Variants in PLBD1 observed in about 807,000 individuals in gnomAD.
PLBD1 encodes the protein phospholipase B domain containing 1.
A neutral mutation model predicts 63.0 loss-of-function variants in PLBD1; 60 were observed. The ratio of observed to expected loss-of-function variants is 0.95; its 90% CI spans 0.77 to 1.18. PLBD1 has a LOEUF of 1.18. Among genes scored for constraint, PLBD1 ranks in the 50% most tolerant of loss-of-function variants. The pLI is 0.00. For missense variants in PLBD1, 598 were observed against 677.9 expected, an observed-to-expected ratio of 0.88 and a Z score of 1.31; for synonymous variants, 262 against 248.0, an observed-to-expected ratio of 1.06 and a Z score of -0.53.
chr12:14,533,946 C>G (rs764969791), intron 6 of PLBD1, among the ~76,000 whole-genome samples: 1 of 152,116 alleles, frequency 6.6e-6, no homozygotes, highest in Non-Finnish European at 1.5e-5. Flanking sequence ...GAGCTTAAGA[C>G]CAGCCTGGGG....
chr12:14,552,830 G>A (rs1273274227), intron 2 of PLBD1, among the ~76,000 whole-genome samples: 2 of 152,190 alleles, frequency 1.3e-5, no homozygotes, highest in Non-Finnish European at 2.9e-5. Flanking sequence ...CACACTTGGA[G>A]GTTTTGTTCC....
At chr12:14,553,139 A>G in intron 2 of PLBD1, 54 bp downstream of exon 2, 1 of 1,452,280 alleles carries the variant, frequency 6.9e-7, no homozygotes, top group South Asian at 1.2e-5. Flanking sequence ...ACTGTGGAAC[A>G]TGGGAAGGAC....
chr12:14,531,582 G>A (rs1945462262), intron 6 of PLBD1, among the ~76,000 whole-genome samples: 1 of 152,160 alleles, frequency 6.6e-6, no homozygotes, highest in Non-Finnish European at 1.5e-5. Context: ...AGATCGACAT[G>A]TTTTCTGTTG....
intron 6 of PLBD1, among the ~76,000 whole-genome samples, chr12:14,524,500 C>T (rs868639209): frequency 1.2e-3 from 177 of 152,262 alleles, no homozygotes; most frequent in African/African-American, 4.1e-3. Context: ...CTATGGTGTG[C>T]TATTTTTCAA....
At chr12:14,536,537 CAG>C (rs1565576669) in intron 5 of PLBD1, 31 bp downstream of exon 5, 3 of 1,608,924 alleles carry the variant, frequency 1.9e-6, no homozygotes, top group South Asian at 1.1e-5. Context: ...CTGTATGAAC[CAG>C]AACAAGGCAA....
intron 6 of PLBD1, among the ~76,000 whole-genome samples, chr12:14,519,025 T>C (rs1184597649): frequency 6.6e-6 from 1 of 152,042 alleles, no homozygotes; most frequent in Non-Finnish European, 1.5e-5. Context: ...ATAATAATTA[T>C]AAAACTGTAT....
At chr12:14,561,037 C>T (rs1945739490) in intron 1 of PLBD1, among the ~76,000 whole-genome samples, 1 of 151,564 alleles carries the variant, frequency 6.6e-6, no homozygotes, top group Non-Finnish European at 1.5e-5. Context: ...TCAGAGACGC[C>T]CTGAGGTGGA....
intron 6 of PLBD1, among the ~76,000 whole-genome samples, chr12:14,525,444 TC>T (rs1945409243): frequency 6.6e-6 from 1 of 150,988 alleles, no homozygotes; most frequent in African/African-American, 2.4e-5. Flanking sequence ...ATGACTGGAG[TC>T]CCAGAGGGAG....
At chr12:14,541,925 G>A (rs532610485) in intron 3 of PLBD1, among the ~76,000 whole-genome samples, 3 of 152,288 alleles carry the variant, frequency 2.0e-5, no homozygotes, top group African/African-American at 7.2e-5. Context: ...CAGACCCAGG[G>A]ACTTAACACT....
chr12:14,507,804 T>G (rs1945267295), intron 8 of PLBD1, among the ~76,000 whole-genome samples: 2 of 152,212 alleles, frequency 1.3e-5, no homozygotes, highest in Non-Finnish European at 2.9e-5. Context: ...TCATAGTGTG[T>G]GAAGGCCACA....
intron 1 of PLBD1, among the ~76,000 whole-genome samples, chr12:14,565,417 G>A (rs898780465): frequency 6.6e-6 from 1 of 150,558 alleles, no homozygotes; most frequent in Non-Finnish European, 1.5e-5. Context: ...AGTGAGCCGA[G>A]ATCACGCCAC....
In PLBD1 at chr12:14,549,626, C is replaced by T. The variant is rs1168581889; in HGVS notation, c.335+3567G>A. Among the ~76,000 whole-genome samples, 9 of 152,106 alleles carry T rather than the reference C, an allele frequency of 5.9e-5. No individual in the cohort carries two copies. In the South Asian group the frequency reaches 8.3e-4, roughly 14 times the overall value. On this transcript the variant is annotated intron_variant, in intron 2 of 10. Coordinates refer to ENST00000240617, the MANE Select transcript of PLBD1 (RefSeq NM_024829.6). ...CCCCCATTTGCCTTTTGAAACCCACCGTCCTTCGATTGTTCAACTGGAGCT... is the reference window on the plus strand; with the variant it reads ...CCCCCATTTGCCTTTTGAAACCCACTGTCCTTCGATTGTTCAACTGGAGCT...
intron 2 of PLBD1, among the ~76,000 whole-genome samples, chr12:14,545,452 C>A (rs1051166790): frequency 6.6e-6 from 1 of 152,194 alleles, no homozygotes; most frequent in African/African-American, 2.4e-5. Context: ...TGTTCTGGAG[C>A]CCAGGTGTGT....
At chr12:14,505,903 T>C (rs1460137252) in intron 10 of PLBD1, among the ~76,000 whole-genome samples, 2 of 152,214 alleles carry the variant, frequency 1.3e-5, no homozygotes, top group African/African-American at 4.8e-5. Context: ...GAACAACATA[T>C]GAGGTAAGTA....
chr12:14,504,027 A>T, intron 10 of PLBD1, 73 bp from the exon 11 acceptor site: 1 of 1,349,818 alleles, frequency 7.4e-7, no homozygotes. Flanking sequence ...GGCCTTCCCC[A>T]CTCTCCCACT....
intron 10 of PLBD1, 114 bp downstream of exon 10, chr12:14,506,048 G>C: frequency 1.6e-6 from 1 of 632,102 alleles, no homozygotes; most frequent in East Asian, 3.0e-5. Context: ...CTGATTCCTG[G>C]GTTGAGTTTA....
chr12:14,564,541 C>T (rs1945766034), intron 1 of PLBD1, among the ~76,000 whole-genome samples: 2 of 152,212 alleles, frequency 1.3e-5, no homozygotes, highest in Admixed American at 1.3e-4. Context: ...TATCTACCCC[C>T]ATGTGGTTTG....
Position 14,567,631 on chromosome 12 carries a change from C to T in PLBD1, c.66G>A (p.Leu22=). 4 of 1,498,352 alleles carry T rather than the reference C, an allele frequency of 2.7e-6. No individual in the cohort carries two copies. The highest frequency in any genetic ancestry group is 3.5e-6 in the Non-Finnish European group (4 of 1,131,674). The allele number at this position is 1,498,352 out of a possible 1,614,324, so 92.8% of individuals were successfully genotyped here. Residue 22 remains leucine, a synonymous_variant, in exon 1 of 11, where the codon CTG becomes CTA. Transcript: ENST00000240617. ...LPQPPPLLLL[L]LLLPLLLVTA... Reference sequence around the variant, plus strand: ...TGACTAACAACAGCGGCAGCAGCAGCAGCAGCAGCAGAAGCGGTGGCGGCT... The same window carrying T: ...TGACTAACAACAGCGGCAGCAGCAGTAGCAGCAGCAGAAGCGGTGGCGGCT...
intron 6 of PLBD1, among the ~76,000 whole-genome samples, chr12:14,524,632 G>A (rs965944399): frequency 3.3e-5 from 5 of 152,034 alleles, no homozygotes; most frequent in Non-Finnish European, 5.9e-5. Flanking sequence ...AAATGTTTGC[G>A]GTGAAGAATA....
Sources: allele counts gnomAD v4.1 joint callset (sites outside exome capture counted in the v4.1 genomes callset), GRCh38; gene constraint gnomAD v4.1.1; transcripts MANE v1.5; gene names NCBI Gene and HGNC (gene_info 2026-07-23, HGNC 2026-07-21).